Variants in VPS26C observed in about 807,000 individuals in gnomAD.
VPS26C encodes the protein VPS26 endosomal protein sorting factor C, also known as vacuolar protein sorting-associated protein 26C.
In VPS26C, 19 loss-of-function variants were observed where a neutral mutation model predicts 30.6. The ratio of observed to expected loss-of-function variants is 0.62; its 90% CI spans 0.43 to 0.91. VPS26C has a LOEUF of 0.91. VPS26C is among the 40% of genes least tolerant of loss of function. The pLI is 0.00. For missense variants in VPS26C, 318 were observed against 385.1 expected (o/e 0.83, Z 1.46); for synonymous variants, 132 against 151.5 (o/e 0.87, Z 0.95).
At chr21:37,227,388 CTG>C in intron 7 of VPS26C, 1 of 485,674 alleles carries the variant, frequency 2.1e-6, no homozygotes. Context: ...TGATGTGGGT[CTG>C]TGTGTTTCCC....
rs187657120 is a variant in VPS26C, at chr21:37,237,102, T to C, written c.351+1358A>G. Among the ~76,000 whole-genome samples the C allele has an allele frequency of 4.1e-4, 63 of 152,312 alleles. No homozygotes were observed. In the East Asian group the frequency reaches 0.011, roughly 27 times the overall value. On this transcript the variant is annotated intron_variant, in intron 3 of 7. Transcript: ENST00000309117. ...GGCCAGCACACACGTTTTCTATGTATATCTGAACATCTGTCTTGGCAACAT... is the reference window on the plus strand; with the variant it reads ...GGCCAGCACACACGTTTTCTATGTACATCTGAACATCTGTCTTGGCAACAT...
chr21:37,224,515 T>G lies in VPS26C; in HGVS notation c.*1029A>C, dbSNP rs910461838. The G allele has an allele frequency of 6.6e-6, 1 of 152,136 alleles. No individual in the cohort carries two copies. The highest frequency in any genetic ancestry group is 1.5e-5 in the Non-Finnish European group (1 of 68,042). 9.4% of individuals were successfully genotyped at this position (152,136 alleles called of 1,614,324 possible). A position where few individuals can be genotyped will look rare whatever the true frequency, so the allele number is the denominator to read the frequency against. ...GTGCACTCAGCCTGCGTGACACAGT[T>G]TGGAAAACTGTCTCTCTCTATGTAT... On this transcript the variant is annotated 3_prime_UTR_variant, in exon 8 of 8. Coordinates refer to ENST00000309117, the MANE Select transcript of VPS26C (RefSeq NM_006052.2).
intron 1 of VPS26C, among the ~76,000 whole-genome samples, chr21:37,254,759 G>A (rs2086225801): frequency 6.6e-6 from 1 of 151,958 alleles, no homozygotes; most frequent in African/African-American, 2.4e-5. Flanking sequence ...GCAGTGAGCT[G>A]AGACATTGCA....
chr21:37,264,515 C>T (rs2086339073), intron 1 of VPS26C, among the ~76,000 whole-genome samples: 1 of 152,142 alleles, frequency 6.6e-6, no homozygotes, highest in Non-Finnish European at 1.5e-5. Context: ...TCTCAGCATC[C>T]CAGCTGGAGT....
Position 37,263,986 on chromosome 21 carries a change from A to C in VPS26C, c.57+3252T>G, listed in dbSNP as rs565400257. 3.9e-5 allele frequency among the ~76,000 whole-genome samples: 6 copies of C among 152,302 alleles called. 1 individual carries two copies. The South Asian group carries it at 1.2e-3, about 32-fold the overall frequency. On this transcript the variant is annotated intron_variant, in intron 1 of 7. Transcript: ENST00000309117. ...GTCTGCAGTCAATGAGGCCTCCTCAAGGACCAGACAGCAAGGATCCTGCTA... is the reference window on the plus strand; with the variant it reads ...GTCTGCAGTCAATGAGGCCTCCTCACGGACCAGACAGCAAGGATCCTGCTA...
chr21:37,237,044 G>A (rs1325344476), intron 3 of VPS26C, among the ~76,000 whole-genome samples: 1 of 152,160 alleles, frequency 6.6e-6, no homozygotes, highest in African/African-American at 2.4e-5. Flanking sequence ...GCCTCCCAAA[G>A]TGCAGGGATG....
chr21:37,257,166 A>C lies in VPS26C; in HGVS notation c.57+10072T>G, dbSNP rs939836360. Reference sequence around the variant, plus strand: ...AAACACAAAAAAACAAACAAAAAAAAGCAAATATATGTAAAAATAGGAAGT... The same window carrying C: ...AAACACAAAAAAACAAACAAAAAAACGCAAATATATGTAAAAATAGGAAGT... On this transcript the variant is annotated intron_variant, in intron 1 of 7. Transcript: ENST00000309117. The surrounding 1 kb of genome is among the most constrained non-coding windows in gnomAD (Gnocchi z 4.2). 6.6e-6 allele frequency among the ~76,000 whole-genome samples: 1 copy of C among 152,216 alleles called. No individual in the cohort carries two copies. The highest frequency in any genetic ancestry group is 2.4e-5 in the African/African-American group (1 of 41,456).
chr21:37,234,977 G>A (rs2086004688), intron 3 of VPS26C, among the ~76,000 whole-genome samples: 1 of 13,382 alleles, frequency 7.5e-5, no homozygotes, highest in African/African-American at 2.6e-4. Context: ...TGAGTATCTG[G>A]AATTACAGGG....
At chr21:37,230,622 C>T (rs565527503) in intron 5 of VPS26C, 5 of 152,358 alleles carry the variant, frequency 3.3e-5, no homozygotes, top group Admixed American at 3.3e-4. Context: ...TTCGTGTTTA[C>T]AAATAAACCT....
At chr21:37,228,634 T>G (rs1232517846) in intron 5 of VPS26C, 1 of 358,582 alleles carries the variant, frequency 2.8e-6, no homozygotes, top group Non-Finnish European at 5.2e-6. Context: ...CCTAATTGCC[T>G]AGTCTCAGAG....
intron 1 of VPS26C, among the ~76,000 whole-genome samples, chr21:37,248,042 TCAAA>T (rs2086154580): frequency 6.6e-6 from 1 of 152,034 alleles, no homozygotes; most frequent in Admixed American, 6.6e-5. Flanking sequence ...TATCTGCAGA[TCAAA>T]CAGTGTCCAC....
intron 1 of VPS26C, among the ~76,000 whole-genome samples, chr21:37,248,743 G>C (rs1259206070): frequency 7.0e-6 from 1 of 142,290 alleles, no homozygotes; most frequent in South Asian, 2.2e-4. Flanking sequence ...ACATAACAAT[G>C]ACAGCAAAAT....
chr21:37,233,263 CAGTA>C lies in VPS26C; in HGVS notation c.432+95_432+98del. 9.6e-7 allele frequency: 1 copy of C among 1,046,510 alleles called. No individual in the cohort carries two copies. Among genetic ancestry groups the C allele is most frequent in the Non-Finnish European group, 1.5e-6 (1 of 678,144 alleles). The allele number at this position is 1,046,510 out of a possible 1,614,324, so 64.8% of individuals were successfully genotyped here. On this transcript the variant is annotated intron_variant, in intron 4 of 7. Transcript: ENST00000309117. This position sits in a 1 kb window ranked among gnomAD's most constrained non-coding sequence, Gnocchi z 5.2. The stretch of plus-strand genomic sequence containing the variant: ...GTGTCTTCTGCCAGCACCCGTGAAA[CAGTA>C]AGAGGCTAAATGGTGAGCTTGTAAA...
chr21:37,243,362 C>A (rs1416788115), intron 1 of VPS26C, among the ~76,000 whole-genome samples: 1 of 152,118 alleles, frequency 6.6e-6, no homozygotes. Context: ...CAGGGTGCTA[C>A]TGTTTTGGGA....
Position 37,232,391 on chromosome 21 carries a change from G to C in VPS26C, c.493C>G (p.Gln165Glu). Residue 165 changes from glutamine to glutamate, a missense_variant, in exon 5 of 8, where the codon CAG (glutamine) becomes GAG (glutamate). Gln to Glu is a conservative substitution (Grantham distance 29). Transcript: ENST00000309117. Reference sequence around the variant, plus strand: ...GGACGTCTTACCTCTTTGACGTTCTGTAAGGTTTCAGGTGTAATCGTGAAG... The same window carrying C: ...GGACGTCTTACCTCTTTGACGTTCTCTAAGGTTTCAGGTGTAATCGTGAAG... ...VDFTITPETLQNVKERALLPK... is the reference protein window; with the variant it reads ...VDFTITPETLENVKERALLPK... 1 of 1,614,160 alleles carries C rather than the reference G, an allele frequency of 6.2e-7. No homozygotes were observed. Among genetic ancestry groups the C allele is most frequent in the Non-Finnish European group, 8.5e-7 (1 of 1,179,996 alleles).
At chr21:37,234,565 CTT>C (rs1379048673) in intron 3 of VPS26C, among the ~76,000 whole-genome samples, 1 of 151,990 alleles carries the variant, frequency 6.6e-6, no homozygotes, top group Non-Finnish European at 1.5e-5. Flanking sequence ...TAATGCCAGT[CTT>C]TAAAAAAAAA....
At chr21:37,251,605 T>C (rs1182265924) in intron 1 of VPS26C, among the ~76,000 whole-genome samples, 13 of 152,222 alleles carry the variant, frequency 8.5e-5, no homozygotes, top group Admixed American at 8.5e-4. Context: ...ATAGCTGTGG[T>C]TGCCCCACAG....
intron 1 of VPS26C, among the ~76,000 whole-genome samples, chr21:37,242,340 G>A (rs2148294003): frequency 6.6e-6 from 1 of 152,288 alleles, no homozygotes; most frequent in African/African-American, 2.4e-5. Flanking sequence ...GCTCATGCCT[G>A]TAATCCAGCA....
rs746649505 is a variant in VPS26C at position 37,240,542 on chromosome 21, C to T, written c.155G>A (p.Ser52Asn). The change falls in exon 2 of 8, where the codon AGT (serine) becomes AAT (asparagine). Residue 52 changes from serine (S) to asparagine (N), a missense_variant. Transcript: ENST00000309117. ...TTCAAACACACCCACACTTTTGGCA[C>T]TGAGCTGGAGGTTTACAGTTCCTTC... ...TMEGTVNLQL[S>N]AKSVGVFEAF... The T allele has an allele frequency of 6.2e-7, 1 of 1,614,230 alleles. No individual in the cohort carries two copies. The highest frequency in any genetic ancestry group is 8.5e-7 in the Non-Finnish European group (1 of 1,180,050).
Sources: allele counts gnomAD v4.1 joint callset (sites outside exome capture counted in the v4.1 genomes callset), GRCh38; gene constraint gnomAD v4.1.1; non-coding constraint Gnocchi (gnomAD v3.1); transcripts MANE v1.5; gene names NCBI Gene and HGNC (gene_info 2026-07-23, HGNC 2026-07-21).